The following TSPEAR variants were observed in gnomAD, a reference collection of about 807,000 sequenced individuals.
The protein encoded by TSPEAR is thrombospondin-type laminin G domain and EAR repeat-containing protein.
Under a neutral mutation model 71.6 loss-of-function variants are expected in TSPEAR, and 69 were observed. The observed-to-expected ratio is 0.96, with a 90% CI of 0.79 to 1.18. The LOEUF (loss-of-function observed/expected upper bound fraction) is 1.18. TSPEAR is among the 50% of genes most tolerant of loss of function. The pLI is 0.00. For synonymous variants in TSPEAR, 402 were observed against 387.2 expected (o/e 1.04, Z -0.45); for missense variants, 971 against 894.9 (o/e 1.09, Z -1.09).
At position 44,675,824 on chromosome 21, in the gene TSPEAR, T is replaced by C. The variant is rs918141705; in HGVS notation, c.82+35609A>G. 3.5e-5 allele frequency: 21 copies of C among 594,410 alleles called. No homozygotes were observed. The African/African-American group carries it at 3.7e-4, about 11-fold the overall frequency. 36.8% of individuals were successfully genotyped at this position (594,410 alleles called of 1,614,324 possible). On this transcript the variant is annotated intron_variant, in intron 1 of 11. Coordinates refer to ENST00000323084, the MANE Select transcript of TSPEAR (RefSeq NM_144991.3). ...CAAACCCTTCATGTATCACTGCTGA[T>C]TTCCTTGACATGAAATACGACTTTA... is the stretch of plus-strand genomic sequence containing the variant.
At chr21:44,620,550 G>A (rs908048109) in intron 1 of TSPEAR, among the ~76,000 whole-genome samples, 2 of 151,266 alleles carry the variant, frequency 1.3e-5, no homozygotes, top group African/African-American at 4.8e-5. Flanking sequence ...TTAGTTATTT[G>A]AATCTGTCTT....
chr21:44,682,200 C>G (rs570153109), intron 1 of TSPEAR: 1 of 1,532,310 alleles, frequency 6.5e-7, no homozygotes, highest in East Asian at 2.3e-5. Flanking sequence ...GCCTTTATAC[C>G]TGGACCCAGG....
intron 2 of TSPEAR, chr21:44,557,802 G>T: frequency 1.8e-6 from 1 of 560,462 alleles, no homozygotes. Context: ...GGGCACATTG[G>T]TGACTTTATT....
At chr21:44,514,307 G>GC (rs1450760060) in intron 9 of TSPEAR, among the ~76,000 whole-genome samples, 17 of 152,314 alleles carry the variant, frequency 1.1e-4, no homozygotes, top group African/African-American at 3.4e-4. Flanking sequence ...CCCCAGAGTG[G>GC]CCCCCACTGT....
rs1436038222 is a variant in TSPEAR, at chr21:44,666,354, A to G, written c.82+45079T>C. On this transcript the variant is annotated intron_variant, in intron 1 of 11. Coordinates refer to ENST00000323084, the MANE Select transcript of TSPEAR (RefSeq NM_144991.3). ...TCAACTGAGCATGCTTTTCACCTGC[A>G]CCATGTGCAGAAGACCAACTGAGGA... 2.1e-5 allele frequency: 29 copies of G among 1,369,666 alleles called. No individual in the cohort carries two copies. The East Asian group carries it at 6.5e-4, about 31-fold the overall frequency. 84.8% of individuals were successfully genotyped at this position (1,369,666 alleles called of 1,614,324 possible).
chr21:44,529,225 CG>C (rs2052917523), intron 5 of TSPEAR, among the ~76,000 whole-genome samples: 1 of 152,182 alleles, frequency 6.6e-6, no homozygotes, highest in Admixed American at 6.5e-5. Context: ...AGTGGGGATG[CG>C]GCGGGGAGGG....
chr21:44,534,539 A>C (rs2053055197), intron 2 of TSPEAR, among the ~76,000 whole-genome samples: 1 of 151,920 alleles, frequency 6.6e-6, no homozygotes, highest in Non-Finnish European at 1.5e-5. Context: ...GGCTGGCGCC[A>C]GGCCGTAGGG....
intron 1 of TSPEAR, chr21:44,681,925 C>T (rs782598193): frequency 8.7e-6 from 14 of 1,613,894 alleles, no homozygotes; most frequent in East Asian, 2.2e-5. Flanking sequence ...CAGGAGGGAG[C>T]CGCATACACG....
rs1266664938 is a variant in TSPEAR at position 44,546,057 on chromosome 21, A to T, written c.304-12134T>A. ...ATTTATCTAGATTAAAAGATGACAG[A>T]TTCAAATAATTAAAATCGTAAATGA... On this transcript the variant is annotated intron_variant, in intron 2 of 11. Coordinates refer to ENST00000323084, the MANE Select transcript of TSPEAR (RefSeq NM_144991.3). The surrounding 1 kb of genome is among the most constrained non-coding windows in gnomAD (Gnocchi z 4.4). Among the ~76,000 whole-genome samples, 1 of 152,260 alleles carries T rather than the reference A, an allele frequency of 6.6e-6. No homozygotes were observed. Among genetic ancestry groups the T allele is most frequent in the East Asian group, 1.9e-4 (1 of 5,202 alleles).
intron 1 of TSPEAR, among the ~76,000 whole-genome samples, chr21:44,615,436 C>G (rs375450047): frequency 6.6e-6 from 1 of 152,060 alleles, no homozygotes; most frequent in Admixed American, 6.5e-5. Flanking sequence ...CACCTCTCAG[C>G]GGATTTTCCA....
At chr21:44,514,423 T>A (rs1169690935) in intron 9 of TSPEAR, among the ~76,000 whole-genome samples, 1 of 152,094 alleles carries the variant, frequency 6.6e-6, no homozygotes, top group Non-Finnish European at 1.5e-5. Context: ...GGCGGGACCC[T>A]TGGGAAGTGT....
At chr21:44,595,057 A>G (rs1305894072) in intron 1 of TSPEAR, among the ~76,000 whole-genome samples, 6 of 152,030 alleles carry the variant, frequency 3.9e-5, no homozygotes, top group Admixed American at 2.6e-4. Context: ...CTTGACCTCA[A>G]GTGATCCACC....
chr21:44,698,539 G>C (rs1218534673), intron 1 of TSPEAR, among the ~76,000 whole-genome samples: 1 of 152,230 alleles, frequency 6.6e-6, no homozygotes, highest in Non-Finnish European at 1.5e-5. Flanking sequence ...GTCAGAGGTG[G>C]CAGCGGGGTC....
chr21:44,708,777 G>A (rs1439826351), intron 1 of TSPEAR, among the ~76,000 whole-genome samples: 1 of 152,170 alleles, frequency 6.6e-6, no homozygotes, highest in African/African-American at 2.4e-5. Context: ...GGCACAGCCC[G>A]CGGGACCTCA....
intron 8 of TSPEAR, among the ~76,000 whole-genome samples, chr21:44,523,086 T>TCAGCCAGC (rs1239260457): frequency 2.9e-5 from 4 of 140,118 alleles, no homozygotes; most frequent in Non-Finnish European, 5.9e-5. Flanking sequence ...AGTCAGTCAG[T>TCAGCCAGC]CAGCCAGCCA....
At chr21:44,573,650 T>C (rs1242001767) in intron 1 of TSPEAR, 5 of 1,526,882 alleles carry the variant, frequency 3.3e-6, no homozygotes, top group African/African-American at 1.4e-5. Context: ...CTGGACAACA[T>C]GCACCAAGGA....
intron 1 of TSPEAR, among the ~76,000 whole-genome samples, chr21:44,699,916 CGCCCTGCCCTG>C (rs1258899356): frequency 1.3e-5 from 2 of 152,194 alleles, no homozygotes; most frequent in African/African-American, 4.8e-5. Context: ...CCCCGTCCCC[CGCCCTGCCCTG>C]GCCCTGCCAT....
intron 2 of TSPEAR, among the ~76,000 whole-genome samples, chr21:44,554,848 ATGT>A (rs1361170413): frequency 1.3e-5 from 2 of 152,196 alleles, no homozygotes; most frequent in African/African-American, 4.8e-5. Flanking sequence ...AATATGCTGT[ATGT>A]TGTTTTCAAT....
chr21:44,697,023 G>C, intron 1 of TSPEAR: 1 of 889,782 alleles, frequency 1.1e-6, no homozygotes, highest in Non-Finnish European at 1.6e-6. Context: ...CCAGCACCCA[G>C]ACGCTCACTC....
Sources: gnomAD v4.1 joint callset for allele counts (sites outside exome capture counted in the v4.1 genomes callset) on GRCh38, gnomAD v4.1.1 for gene constraint, Gnocchi (gnomAD v3.1) non-coding constraint, MANE v1.5 for transcripts, NCBI Gene and HGNC (gene_info 2026-07-23, HGNC 2026-07-21) for gene names.